PTBP3: variants seen among roughly 807,000 people sequenced by gnomAD.
PTBP3 encodes the protein polypyrimidine tract-binding protein 3.
In PTBP3, 20 loss-of-function variants were observed where a neutral mutation model predicts 58.7. The ratio of observed to expected loss-of-function variants is 0.34; its 90% confidence interval spans 0.24 to 0.50. PTBP3 has a LOEUF of 0.50. PTBP3 is among the 20% of genes least tolerant of loss of function. The pLI is 0.98. For synonymous variants in PTBP3, 185 were observed against 219.8 expected (o/e 0.84, Z 1.40); for missense variants, 509 against 637.2 (o/e 0.80, Z 2.17).
rs759956449 is a variant in PTBP3 at position 112,297,840 on chromosome 9, C to A, written c.26G>T (p.Gly9Val). ...AAAAAAAAAAAACTCACCATACACA[C>A]CTGTAGAAGGAGTAGAACTATTCAT... MNSSTPST[G>V]VYANGNDSKK... The change falls in exon 2 of 14, where the codon GGT (glycine) becomes GTT (valine). Residue 9 changes from glycine to valine, a missense_variant. Gly to Val is a moderately radical substitution (Grantham distance 109). This residue lies in a region of PTBP3 where 212 missense variants were observed against 215.3 expected (regional missense o/e 0.98). Coordinates refer to ENST00000374257, the MANE Select transcript of PTBP3 (RefSeq NM_001163788.4). 57 of 1,587,570 alleles carry A rather than the reference C, an allele frequency of 3.6e-5. No individual in the cohort carries two copies. The highest frequency in any genetic ancestry group is 1.7e-4 in the Middle Eastern group (1 of 5,936).
chr9:112,225,440 CAG>C (rs1308683195), intron 12 of PTBP3, among the ~76,000 whole-genome samples: 5 of 152,118 alleles, frequency 3.3e-5, no homozygotes, highest in Admixed American at 1.3e-4. Context: ...TTAATGGGTA[CAG>C]AGTTTCAGTT....
chr9:112,295,944 T>TCCC (rs1293421893), intron 2 of PTBP3, among the ~76,000 whole-genome samples: 1 of 152,228 alleles, frequency 6.6e-6, no homozygotes, highest in Non-Finnish European at 1.5e-5. Context: ...ATGCAGCCTG[T>TCCC]GCACAGCATG....
rs768841066 is a variant in PTBP3 at position 112,232,134 on chromosome 9, T to A, written c.985A>T (p.Asn329Tyr). 3.1e-6 allele frequency: 5 copies of A among 1,613,016 alleles called. No homozygotes were observed. ...AIPGASGIPGNSVLLVTNLNP... is the reference protein window; with the variant it reads ...AIPGASGIPGYSVLLVTNLNP... ...AGATTTGTGACGAGTAGAACAGAAT[T>A]TCCTGGTATACCACTAGCCCCAGGA... The change falls in exon 9 of 14, where the codon AAT becomes TAT. Residue 329 changes from asparagine (N) to tyrosine (Y), a missense_variant. Asn to Tyr is a moderately radical substitution (Grantham distance 143, BLOSUM62 -2). Coordinates refer to ENST00000374257, the MANE Select transcript of PTBP3 (RefSeq NM_001163788.4).
intron 7 of PTBP3, among the ~76,000 whole-genome samples, chr9:112,248,415 C>G (rs1400854523): frequency 6.6e-6 from 1 of 152,144 alleles, no homozygotes; most frequent in Non-Finnish European, 1.5e-5. Flanking sequence ...TAAAAGACTA[C>G]ACACTGGGTA....
Position 112,228,400 on chromosome 9 carries a change from T to C in PTBP3, c.1127A>G (p.Asp376Gly). 1 of 1,606,566 alleles carries C rather than the reference T, an allele frequency of 6.2e-7. No homozygotes were observed. Among genetic ancestry groups the C allele is most frequent in the Non-Finnish European group, 8.5e-7 (1 of 1,177,674 alleles). The change falls in exon 11 of 14, where the codon GAT becomes GGT. Residue 376 changes from aspartate (D) to glycine (G), a missense_variant. By Grantham distance (94) the Asp-to-Gly change is moderately conservative. This residue lies in a region of PTBP3 where 135 missense variants were observed against 229.0 expected (regional missense o/e 0.59). Transcript: ENST00000374257. ...AGTACCTAGCTGAGCTTGATTTGCA[T>C]CCGCCATCTGAACCAAGGCATTTTC... ...KKENALVQMA[D>G]ANQAQLAMNH...
the PTBP3 span, among the ~76,000 whole-genome samples, chr9:112,339,798 T>C: frequency 4.6e-5 from 7 of 152,016 alleles, no homozygotes; most frequent in Non-Finnish European, 1.0e-4. Flanking sequence ...TCCTAACTTA[T>C]CAGGTGATCT....
Position 112,257,107 on chromosome 9 carries a change from A to G in PTBP3, c.517-4319T>C, listed in dbSNP as rs115104390. Among the ~76,000 whole-genome samples, 646 of 152,322 alleles carry G rather than the reference A, an allele frequency of 4.2e-3. 6 individuals carry two copies. The highest frequency in any genetic ancestry group is 0.015 in the African/African-American group (618 of 41,572). On this transcript the variant is annotated intron_variant, in intron 5 of 13. Transcript: ENST00000374257. ...TAACTTCAACAATGGCCTAAAGCAC[A>G]TCCTGGGACAGCTTGGTGTTTTGCT...
the PTBP3 span, among the ~76,000 whole-genome samples, chr9:112,364,340 C>G: frequency 6.6e-6 from 1 of 151,886 alleles, no homozygotes; most frequent in Non-Finnish European, 1.5e-5. Context: ...AGCATACTAA[C>G]CTTTTATAAG....
At chr9:112,247,564 A>G (rs1053839997) in intron 7 of PTBP3, among the ~76,000 whole-genome samples, 6 of 151,648 alleles carry the variant, frequency 4.0e-5, no homozygotes, top group African/African-American at 1.2e-4. Flanking sequence ...AAAAAAAAAA[A>G]AGAAAAAGCC....
intron 10 of PTBP3, among the ~76,000 whole-genome samples, chr9:112,229,771 A>C (rs1230504871): frequency 6.6e-6 from 1 of 152,156 alleles, no homozygotes; most frequent in African/African-American, 2.4e-5. Flanking sequence ...GGGTCTCACT[A>C]TCTGGCCCAG....
chr9:112,348,693 GTACTT>G, the PTBP3 span, among the ~76,000 whole-genome samples: 2 of 152,214 alleles, frequency 1.3e-5, no homozygotes, highest in Non-Finnish European at 2.9e-5. Flanking sequence ...TCTTCCAAGT[GTACTT>G]TACTTCGTTT....
intron 1 of PTBP3, among the ~76,000 whole-genome samples, chr9:112,299,315 A>AT (rs1054976715): frequency 7.2e-5 from 11 of 152,176 alleles, no homozygotes; most frequent in Non-Finnish European, 1.6e-4. Flanking sequence ...GCAGAAATGT[A>AT]TTTTTTCAAG....
In PTBP3 at chr9:112,262,427, C is replaced by T. The variant is rs1474621408; in HGVS notation, c.516+8G>A. On this transcript the variant is annotated splice_region_variant and intron_variant, in intron 5 of 13. Transcript: ENST00000374257. ...TTAACTTTCTTAAGGGTATTTATTC[C>T]TCCTTACCTGATGAAGAACTTCCAG... 1 of 1,586,664 alleles carries T rather than the reference C, an allele frequency of 6.3e-7. No individual in the cohort carries two copies. The highest frequency in any genetic ancestry group is 8.6e-7 in the Non-Finnish European group (1 of 1,169,266).
At chr9:112,307,790 T>C (rs1029800414) in intron 1 of PTBP3, among the ~76,000 whole-genome samples, 3 of 152,242 alleles carry the variant, frequency 2.0e-5, no homozygotes, top group African/African-American at 4.8e-5. Context: ...TTGTAAAACA[T>C]TGTAAAAGAT....
chr9:112,217,764 C>G (rs921183187), downstream of PTBP3: 22 of 152,294 alleles, frequency 1.4e-4, no homozygotes, highest in Admixed American at 5.2e-4. Context: ...ACAGATTTTA[C>G]AGGTAAGCCA....
the PTBP3 span, among the ~76,000 whole-genome samples, chr9:112,368,498 T>C: frequency 6.7e-6 from 1 of 148,286 alleles, no homozygotes; most frequent in African/African-American, 2.5e-5. Context: ...GGGAGCACAC[T>C]GTGAAAGGAA....
chr9:112,321,972 A>G (rs1452921207), intron 1 of PTBP3, among the ~76,000 whole-genome samples: 1 of 151,778 alleles, frequency 6.6e-6, no homozygotes, highest in East Asian at 1.9e-4. Context: ...TGTCTCTACT[A>G]AAAAATACAA....
intron 12 of PTBP3, among the ~76,000 whole-genome samples, chr9:112,224,995 T>G (rs1270465655): frequency 6.6e-6 from 1 of 152,190 alleles, no homozygotes; most frequent in Non-Finnish European, 1.5e-5. Flanking sequence ...TACAACCTTA[T>G]GACAGACTCA....
At chr9:112,231,858 A>T (rs1023051414) in intron 9 of PTBP3, among the ~76,000 whole-genome samples, 2 of 151,730 alleles carry the variant, frequency 1.3e-5, no homozygotes, top group Admixed American at 1.3e-4. Context: ...CAGTGAGTGA[A>T]TGCAGCACCA....
Sources: gnomAD v4.1 joint callset for allele counts (sites outside exome capture counted in the v4.1 genomes callset) on GRCh38, gnomAD v4.1.1 for gene constraint, gnomAD v4.1.1 regional missense constraint, MANE v1.5 for transcripts, NCBI Gene and HGNC (gene_info 2026-07-23, HGNC 2026-07-21) for gene names.